Variants in PCDH7 observed in about 807,000 individuals in gnomAD.
PCDH7 encodes the protein protocadherin 7.
PCDH7 carries 17 observed loss-of-function variants against 58.9 expected under a neutral mutation model. That is an observed-to-expected ratio of 0.29 (90% CI 0.20 to 0.43). The LOEUF (loss-of-function observed/expected upper bound fraction) is 0.43. Among genes scored for constraint, PCDH7 ranks in the 20% least tolerant of loss-of-function variants. The pLI is 1.00. For synonymous variants in PCDH7, 664 were observed against 616.4 expected, an observed-to-expected ratio of 1.08 and a Z score of -1.14; for missense variants, 1,274 against 1,441.0, an observed-to-expected ratio of 0.88 and a Z score of 1.88.
chr4:30,817,978 T>C (rs1281592878), intron 1 of PCDH7, among the ~76,000 whole-genome samples: 1 of 152,118 alleles, frequency 6.6e-6, no homozygotes. Flanking sequence ...TCAAGTCCAC[T>C]CCTGCCACAT....
chr4:31,013,562 G>A (rs1753369768), intron 3 of PCDH7, among the ~76,000 whole-genome samples: 1 of 143,622 alleles, frequency 7.0e-6, no homozygotes. Flanking sequence ...TCCTTTCCCA[G>A]AGAAAGAGTA....
intron 3 of PCDH7, among the ~76,000 whole-genome samples, chr4:31,053,326 C>T (rs1756905265): frequency 6.6e-6 from 1 of 152,116 alleles, no homozygotes; most frequent in Non-Finnish European, 1.5e-5. Flanking sequence ...TCCTGTCCCC[C>T]AAACATAACT....
intron 3 of PCDH7, among the ~76,000 whole-genome samples, chr4:31,103,232 A>G (rs1281826562): frequency 1.3e-5 from 2 of 152,170 alleles, no homozygotes; most frequent in Non-Finnish European, 2.9e-5. Context: ...GCTTCCTTGC[A>G]GTGTTTCTAT....
At chr4:30,734,803 T>G (rs1267033147), downstream of PCDH7, among the ~76,000 whole-genome samples, 2 of 152,182 alleles carry the variant, frequency 1.3e-5, no homozygotes, top group Non-Finnish European at 2.9e-5. Flanking sequence ...CTAGGTAGCC[T>G]GCAGATCCAT....
chr4:30,887,543 A>G (rs1382821040), intron 1 of PCDH7, among the ~76,000 whole-genome samples: 1 of 152,222 alleles, frequency 6.6e-6, no homozygotes, highest in Non-Finnish European at 1.5e-5. Context: ...CATTCAGTAC[A>G]TAGAGAAGAT....
At chr4:30,869,876 T>G (rs1735335713) in intron 1 of PCDH7, among the ~76,000 whole-genome samples, 1 of 152,172 alleles carries the variant, frequency 6.6e-6, no homozygotes, top group East Asian at 1.9e-4. Context: ...TCCACAATGG[T>G]TGAACTAATT....
At chr4:30,980,549 A>G (rs929970995) in intron 3 of PCDH7, among the ~76,000 whole-genome samples, 5 of 152,176 alleles carry the variant, frequency 3.3e-5, no homozygotes, top group Non-Finnish European at 5.9e-5. Flanking sequence ...TCCAGTGTTC[A>G]TGTTGTATTT....
chr4:31,112,610 C>T (rs1045216645), intron 3 of PCDH7, among the ~76,000 whole-genome samples: 3 of 152,030 alleles, frequency 2.0e-5, no homozygotes, highest in Admixed American at 2.0e-4. Flanking sequence ...GAAGCAAAGC[C>T]TCTCTGTTGT....
chr4:31,008,559 G>A (rs1752955276), intron 3 of PCDH7, among the ~76,000 whole-genome samples: 1 of 151,978 alleles, frequency 6.6e-6, no homozygotes, highest in African/African-American at 2.4e-5. Flanking sequence ...ATGAATATTA[G>A]TGTTTCTTTC....
At chr4:30,957,007 A>G (rs1747934441) in intron 3 of PCDH7, among the ~76,000 whole-genome samples, 2 of 152,300 alleles carry the variant, frequency 1.3e-5, no homozygotes, top group South Asian at 4.1e-4. Flanking sequence ...ATTCTTTGTA[A>G]TCTACTAACA....
intron 1 of PCDH7, among the ~76,000 whole-genome samples, chr4:30,738,300 G>T (rs1716579469): frequency 6.6e-6 from 1 of 151,572 alleles, no homozygotes. Flanking sequence ...CACACAGCCC[G>T]TCCATTCCTG....
chr4:30,755,634 C>T (rs888543348), intron 1 of PCDH7, among the ~76,000 whole-genome samples: 1 of 152,174 alleles, frequency 6.6e-6, no homozygotes, highest in African/African-American at 2.4e-5. Context: ...CCATCCCCCA[C>T]TGTCTTAGTC....
intron 1 of PCDH7, among the ~76,000 whole-genome samples, chr4:30,846,367 C>T (rs1281443106): frequency 1.3e-5 from 2 of 152,094 alleles, no homozygotes; most frequent in South Asian, 2.1e-4. Flanking sequence ...GGCCTCCTTG[C>T]TCCCCCTCTC....
rs1005686645 is a variant in PCDH7, at chr4:30,720,548, T to C, written c.-875T>C. ...TTTCAGGCGGCTGCTTCGTGACTAA[T>C]GACCTTGCGCAGAGTTGTTAAGAAA... On this transcript the variant is annotated 5_prime_UTR_variant, in exon 1 of 2. It removes an upstream start codon present in the reference 5' UTR. Transcript: ENST00000361762. This position sits in a 1 kb window ranked among gnomAD's most constrained non-coding sequence, Gnocchi z 4.7. 1 of 152,694 alleles carries C rather than the reference T, an allele frequency of 6.5e-6. No individual in the cohort carries two copies. Among genetic ancestry groups the C allele is most frequent in the Non-Finnish European group, 1.5e-5 (1 of 68,086 alleles). The allele number at this position is 152,694 out of a possible 1,614,324, so 9.5% of individuals were successfully genotyped here.
chr4:31,070,972 T>G (rs923143098), intron 3 of PCDH7, among the ~76,000 whole-genome samples: 13 of 152,094 alleles, frequency 8.5e-5, no homozygotes, highest in Admixed American at 5.2e-4. Context: ...AGTGTTTAGC[T>G]GAGTTTGTAT....
chr4:30,777,873 T>TA (rs1722279787), intron 1 of PCDH7, among the ~76,000 whole-genome samples: 1 of 152,164 alleles, frequency 6.6e-6, no homozygotes, highest in Non-Finnish European at 1.5e-5. Context: ...AGTATACATT[T>TA]AAAAAATCTT....
chr4:30,956,971 C>G (rs1043851178), intron 3 of PCDH7, among the ~76,000 whole-genome samples: 1 of 152,124 alleles, frequency 6.6e-6, no homozygotes, highest in Non-Finnish European at 1.5e-5. Flanking sequence ...GGTCGGCATC[C>G]CTTTGTAAAG....
At chr4:30,915,028 C>T (rs978739525) in intron 1 of PCDH7, among the ~76,000 whole-genome samples, 1 of 152,160 alleles carries the variant, frequency 6.6e-6, no homozygotes, top group Non-Finnish European at 1.5e-5. Context: ...TTATTTCTCT[C>T]TTAATTCTAG....
chr4:31,069,581 G>A (rs941323778), intron 3 of PCDH7, among the ~76,000 whole-genome samples: 2 of 151,952 alleles, frequency 1.3e-5, no homozygotes, highest in African/African-American at 2.4e-5. Flanking sequence ...TTAATGCCTA[G>A]AATTGTTTTA....
Sources: allele counts gnomAD v4.1 joint callset (sites outside exome capture counted in the v4.1 genomes callset), GRCh38; gene constraint gnomAD v4.1.1; non-coding constraint Gnocchi (gnomAD v3.1); transcripts MANE v1.5; gene names NCBI Gene and HGNC (gene_info 2026-07-23, HGNC 2026-07-21).